Variants in PDCD2L observed in about 807,000 individuals in gnomAD.
PDCD2L encodes programmed cell death 2 like.
Under a neutral mutation model 40.4 loss-of-function variants are expected in PDCD2L, and 44 were observed. The ratio of observed to expected loss-of-function variants is 1.09; its 90% CI spans 0.86 to 1.40. PDCD2L has a LOEUF of 1.40. PDCD2L is among the 40% of genes most tolerant of loss of function. The probability of loss-of-function intolerance (pLI) is 0.00; values close to 1 mark genes in which losing one functional copy is unlikely to be tolerated. For missense variants in PDCD2L, 470 were observed against 453.7 expected (o/e 1.04, Z -0.33); for synonymous variants, 194 against 174.6 (o/e 1.11, Z -0.88).
chr19:34,409,786 A>G (rs1862489), intron 4 of PDCD2L, among the ~76,000 whole-genome samples: 16,641 of 152,210 alleles, frequency 0.11, 1,018 homozygotes, highest in East Asian at 0.2. Flanking sequence ...TTTCTTTTAT[A>G]TTTCTAATAT....
chr19:34,406,145 C>T (rs1405933331), intron 3 of PDCD2L, among the ~76,000 whole-genome samples: 1 of 151,778 alleles, frequency 6.6e-6, no homozygotes. Flanking sequence ...CTGTCCCCTG[C>T]CAAAAAAACA....
chr19:34,420,251 A>G (rs1599875254), intron 5 of PDCD2L, among the ~76,000 whole-genome samples: 1 of 150,988 alleles, frequency 6.6e-6, no homozygotes, highest in African/African-American at 2.4e-5. Context: ...TCAGCCTCCC[A>G]AAGTGCTGAG....
chr19:34,424,355 G>A (rs900426886), intron 6 of PDCD2L, among the ~76,000 whole-genome samples: 4 of 152,070 alleles, frequency 2.6e-5, no homozygotes, highest in African/African-American at 4.8e-5. Flanking sequence ...TGCCTCCTCC[G>A]AAGAAAGAAT....
At chr19:34,424,176 C>T (rs2075165447) in intron 6 of PDCD2L, among the ~76,000 whole-genome samples, 1 of 152,056 alleles carries the variant, frequency 6.6e-6, no homozygotes, top group African/African-American at 2.4e-5. Context: ...GGCTTATGGG[C>T]ATTCTAGTCT....
At chr19:34,424,925 T>C (rs2075169373) in intron 6 of PDCD2L, among the ~76,000 whole-genome samples, 1 of 151,970 alleles carries the variant, frequency 6.6e-6, no homozygotes, top group South Asian at 2.1e-4. Flanking sequence ...TTTGTATTGT[T>C]AGTAGAGACG....
At chr19:34,412,086 C>T (rs966415630) in intron 4 of PDCD2L, among the ~76,000 whole-genome samples, 9 of 151,114 alleles carry the variant, frequency 6.0e-5, no homozygotes, top group African/African-American at 1.7e-4. Flanking sequence ...GTGGCTCAAT[C>T]TCAGCTCATT....
At chr19:34,414,128 G>A (rs373111323) in intron 5 of PDCD2L, among the ~76,000 whole-genome samples, 16 of 151,972 alleles carry the variant, frequency 1.1e-4, no homozygotes, top group East Asian at 9.6e-4. Flanking sequence ...AGCAAGAAAC[G>A]GCACAGATGA....
chr19:34,416,561 T>C (rs913143088), intron 5 of PDCD2L, among the ~76,000 whole-genome samples: 6 of 152,162 alleles, frequency 3.9e-5, no homozygotes, highest in Admixed American at 3.3e-4. Context: ...CACCCCAGTT[T>C]CCTCTTTTAC....
At chr19:34,424,378 C>T (rs2075166338) in intron 6 of PDCD2L, among the ~76,000 whole-genome samples, 1 of 152,120 alleles carries the variant, frequency 6.6e-6, no homozygotes, top group Non-Finnish European at 1.5e-5. Context: ...GACCGAGGCA[C>T]ATAAGACAGA....
At chr19:34,406,334 C>T (rs1005781839) in intron 3 of PDCD2L, among the ~76,000 whole-genome samples, 2 of 152,060 alleles carry the variant, frequency 1.3e-5, no homozygotes, top group South Asian at 4.1e-4. Context: ...TACTTAACAT[C>T]TTGTGAGAAC....
In PDCD2L at chr19:34,418,487, G is replaced by A. The variant is rs114997703; in HGVS notation, c.798-3032G>A. 7.9e-3 allele frequency among the ~76,000 whole-genome samples: 1,200 copies of A among 152,028 alleles called. 24 individuals are homozygous for A. The highest frequency in any genetic ancestry group is 0.027 in the African/African-American group (1,120 of 41,418). Reference sequence around the variant, plus strand: ...GTTCATTCCTTTTGACCGCTGTGTCGTATTCCATTGTATGGATGTGCCACT... The same window carrying A: ...GTTCATTCCTTTTGACCGCTGTGTCATATTCCATTGTATGGATGTGCCACT... On this transcript the variant is annotated intron_variant, in intron 5 of 6. Transcript: ENST00000246535.
chr19:34,413,968 G>T (rs186856677), intron 5 of PDCD2L, 121 bp downstream of exon 5: 2 of 627,652 alleles, frequency 3.2e-6, no homozygotes, highest in Non-Finnish European at 5.5e-6. Context: ...AACCAAGAGA[G>T]AACCTAATAC....
chr19:34,421,433 C>G, intron 5 of PDCD2L, 86 bp from the exon 6 acceptor site: 1 of 1,486,940 alleles, frequency 6.7e-7, no homozygotes, highest in Non-Finnish European at 9.2e-7. Context: ...CTGCAAGAAA[C>G]AAAGAAAGGT....
intron 5 of PDCD2L, among the ~76,000 whole-genome samples, chr19:34,415,607 C>T (rs938509884): frequency 4.6e-5 from 7 of 152,072 alleles, no homozygotes; most frequent in African/African-American, 7.2e-5. Flanking sequence ...TCTTTTTCCC[C>T]GATACCTACC....
In PDCD2L at chr19:34,404,824, G is replaced by T; in HGVS notation, c.275+9G>T. On this transcript the variant is annotated intron_variant, in intron 2 of 6. Transcript: ENST00000246535. ...ACCGGCGGTGCGCGCAGGTAGGCGG[G>T]GAAGTCCCAGAGCTGCTCCAGGGGT... 1 of 1,602,856 alleles carries T rather than the reference G, an allele frequency of 6.2e-7. No homozygotes were observed. Among genetic ancestry groups the T allele is most frequent in the Non-Finnish European group, 8.5e-7 (1 of 1,176,218 alleles).
chr19:34,416,201 G>A (rs2075125830), intron 5 of PDCD2L, among the ~76,000 whole-genome samples: 1 of 152,194 alleles, frequency 6.6e-6, no homozygotes, highest in South Asian at 2.1e-4. Context: ...GATGGCAGGT[G>A]TGAGCCACCA....
chr19:34,423,910 G>A (rs1370722976), intron 6 of PDCD2L, among the ~76,000 whole-genome samples: 3 of 152,170 alleles, frequency 2.0e-5, no homozygotes, highest in East Asian at 1.9e-4. Context: ...TCTTTTTGCA[G>A]TAGCTGGATT....
chr19:34,417,212 CAA>C (rs1324143476), intron 5 of PDCD2L, among the ~76,000 whole-genome samples: 2 of 152,154 alleles, frequency 1.3e-5, no homozygotes, highest in African/African-American at 2.4e-5. Flanking sequence ...TTCCATAAAA[CAA>C]GAGCTCAAAG....
In PDCD2L at chr19:34,409,200, G is replaced by A. The variant is rs2075090606; in HGVS notation, c.376G>A (p.Gly126Ser). The A allele has an allele frequency of 6.2e-7, 1 of 1,614,040 alleles. No individual in the cohort carries two copies. Among genetic ancestry groups the A allele is most frequent in the Non-Finnish European group, 8.5e-7 (1 of 1,180,006 alleles). ...CCTTGCAGCTGAGGACTGGTGTGAA[G>A]GTGCTGATGACTGGGGAAGTGATAC... ...NSLAAEDWCEGADDWGSDTEE... is the reference protein window; with the variant it reads ...NSLAAEDWCESADDWGSDTEE... Residue 126 changes from glycine (G) to serine (S), a missense_variant, in exon 4 of 7, where the codon GGT (glycine) becomes AGT (serine). By Grantham distance (56) the Gly-to-Ser change is moderately conservative (BLOSUM62 0). Transcript: ENST00000246535.
Sources: allele counts gnomAD v4.1 joint callset (sites outside exome capture counted in the v4.1 genomes callset), GRCh38; gene constraint gnomAD v4.1.1; transcripts MANE v1.5; gene names NCBI Gene and HGNC (gene_info 2026-07-23, HGNC 2026-07-21).